The following KIRREL3 variants were observed in gnomAD, a reference collection of about 807,000 sequenced individuals.
KIRREL3 encodes the protein kin of IRRE-like protein 3.
In KIRREL3, 36 loss-of-function variants were observed where a neutral mutation model predicts 89.7. The ratio of observed to expected loss-of-function variants is 0.40; its 90% CI spans 0.31 to 0.53. The LOEUF is 0.53. KIRREL3 is among the 20% of genes least tolerant of loss of function. The probability of loss-of-function intolerance (pLI) is 0.49; values close to 1 mark genes in which losing one functional copy is unlikely to be tolerated. For missense variants in KIRREL3, 864 were observed against 1,056.6 expected, an observed-to-expected ratio of 0.82 and a Z score of 2.53; for synonymous variants, 445 against 441.4, an observed-to-expected ratio of 1.01 and a Z score of -0.10.
intron 13 of KIRREL3, among the ~76,000 whole-genome samples, chr11:126,434,702 TGC>T (rs540263044): frequency 2.6e-5 from 4 of 152,202 alleles, no homozygotes; most frequent in Non-Finnish European, 5.9e-5. Context: ...ACTGCTTTGC[TGC>T]GTGTGCCTGG....
At position 126,515,006 on chromosome 11, in the gene KIRREL3, C is replaced by G. The variant is rs143918458; in HGVS notation, c.433+6309G>C. ...GCCATGAGGAACATTTACTGAACAC[C>G]CAGTATGTGATTCTAGGCTGTGCTA... On this transcript the variant is annotated intron_variant, in intron 4 of 16. Coordinates refer to ENST00000525144, the MANE Select transcript of KIRREL3 (RefSeq NM_032531.4). The surrounding 1 kb of genome is among the most constrained non-coding windows in gnomAD (Gnocchi z 4.2). Among the ~76,000 whole-genome samples the G allele has an allele frequency of 6.6e-6, 1 of 152,134 alleles. No individual in the cohort carries two copies. The highest frequency in any genetic ancestry group is 1.5e-5 in the Non-Finnish European group (1 of 68,028).
chr11:127,000,519 C>T lies in KIRREL3; in HGVS notation c.-10G>A. ...GCTGGAAGGGTTTCATTCCTTAGCG[C>T]AGCGAAGGAAAGCCGGCGGGGTAAC... On this transcript the variant is annotated 5_prime_UTR_variant, in exon 1 of 17. Transcript: ENST00000525144. The surrounding 1 kb of genome is among the most constrained non-coding windows in gnomAD (Gnocchi z 7.1). 6.2e-7 allele frequency: 1 copy of T among 1,602,714 alleles called. No homozygotes were observed. The highest frequency in any genetic ancestry group is 1.3e-5 in the African/African-American group (1 of 74,778).
At chr11:126,835,385 T>C (rs1943745009) in intron 1 of KIRREL3, among the ~76,000 whole-genome samples, 1 of 152,136 alleles carries the variant, frequency 6.6e-6, no homozygotes, top group Non-Finnish European at 1.5e-5. Context: ...AGGAAAAGAA[T>C]TACATTAAAA....
intron 1 of KIRREL3, among the ~76,000 whole-genome samples, chr11:126,591,354 T>C (rs1451835789): frequency 6.6e-6 from 1 of 152,220 alleles, no homozygotes; most frequent in Non-Finnish European, 1.5e-5. Context: ...GAGAATCCCT[T>C]AACCTAAAGG....
At chr11:126,582,338 G>A (rs1262590245) in intron 1 of KIRREL3, among the ~76,000 whole-genome samples, 2 of 152,354 alleles carry the variant, frequency 1.3e-5, no homozygotes, top group Middle Eastern at 3.4e-3. Flanking sequence ...TGGCAACACA[G>A]AGGTGCCTTC....
intron 11 of KIRREL3, 137 bp from the exon 12 acceptor site, chr11:126,437,146 A>G (rs2134166273): frequency 2.7e-6 from 2 of 739,226 alleles, no homozygotes; most frequent in South Asian, 4.6e-5. Flanking sequence ...ACGGGTATGT[A>G]TGCAGGCACA....
chr11:126,439,856 AAAC>A (rs150209838), intron 11 of KIRREL3, among the ~76,000 whole-genome samples: 7,003 of 151,470 alleles, frequency 0.046, 275 homozygotes, highest in East Asian at 0.23. Flanking sequence ...AAAAACACAC[AAAC>A]AAAAAAACCA....
At chr11:126,857,568 T>C (rs1454022334) in intron 1 of KIRREL3, among the ~76,000 whole-genome samples, 1 of 152,170 alleles carries the variant, frequency 6.6e-6, no homozygotes, top group Non-Finnish European at 1.5e-5. Context: ...TGGGAGCATC[T>C]GCCTAGGAAT....
rs1945125043 is a variant in KIRREL3 at position 126,656,115 on chromosome 11, A to G, written c.56-93203T>C. The G allele has an allele frequency of 2.2e-5, 10 of 456,056 alleles. No individual in the cohort carries two copies. The highest frequency in any genetic ancestry group is 2.2e-5 in the Non-Finnish European group (5 of 226,962). The allele number at this position is 456,056 out of a possible 1,614,324, so 28.3% of individuals were successfully genotyped here. A position where few individuals can be genotyped will look rare whatever the true frequency, so the allele number is the denominator to read the frequency against. ...ATCTATGCTGTGCAAAGGAATAAGA[A>G]ACTAGTGCTGTCTCGGGAACCAGCA... is the stretch of plus-strand genomic sequence containing the variant. On this transcript the variant is annotated intron_variant, in intron 1 of 16. Transcript: ENST00000525144. This position sits in a 1 kb window ranked among gnomAD's most constrained non-coding sequence, Gnocchi z 4.0.
intron 1 of KIRREL3, among the ~76,000 whole-genome samples, chr11:126,966,688 C>A (rs962488388): frequency 2.6e-5 from 4 of 152,168 alleles, no homozygotes; most frequent in African/African-American, 9.7e-5. Flanking sequence ...AGACATGCCA[C>A]TGGCCCTTCT....
rs509759 is a variant in KIRREL3, at chr11:126,653,820, T to C, written c.56-90908A>G. Among the ~76,000 whole-genome samples the C allele has an allele frequency of 0.59, 89,599 of 152,072 alleles. 26,691 individuals carry two copies. The highest frequency in any genetic ancestry group is 0.64 in the Admixed American group (9,814 of 15,288). ...GCAGGGATGCCCCTGGCACTTTTTTTGTCTCTGGTGCTATCAAACAGAAAA... is the reference window on the plus strand; with the variant it reads ...GCAGGGATGCCCCTGGCACTTTTTTCGTCTCTGGTGCTATCAAACAGAAAA... On this transcript the variant is annotated intron_variant, in intron 1 of 16. Coordinates refer to ENST00000525144, the MANE Select transcript of KIRREL3 (RefSeq NM_032531.4). This position sits in a 1 kb window ranked among gnomAD's most constrained non-coding sequence, Gnocchi z 5.4.
rs928880191 is a variant in KIRREL3 at position 126,814,845 on chromosome 11, T to G, written c.55+185610A>C. Among the ~76,000 whole-genome samples the G allele has an allele frequency of 1.3e-5, 2 of 152,106 alleles. No individual in the cohort carries two copies. The highest frequency in any genetic ancestry group is 4.8e-5 in the African/African-American group (2 of 41,410). On this transcript the variant is annotated intron_variant, in intron 1 of 16. Coordinates refer to ENST00000525144, the MANE Select transcript of KIRREL3 (RefSeq NM_032531.4). The surrounding 1 kb of genome is among the most constrained non-coding windows in gnomAD (Gnocchi z 4.4). ...GGGCTTAATACCTGGGTGATGGTGG[T>G]GGGTTCATCGGTGCAGCGAACCACC...
intron 1 of KIRREL3, among the ~76,000 whole-genome samples, chr11:126,938,100 G>A (rs1008635400): frequency 2.0e-5 from 3 of 152,204 alleles, no homozygotes; most frequent in Non-Finnish European, 4.4e-5. Context: ...TTATACCATT[G>A]TGGTTGGGTT....
intron 1 of KIRREL3, among the ~76,000 whole-genome samples, chr11:126,821,600 T>G (rs1349846736): frequency 6.6e-6 from 1 of 151,936 alleles, no homozygotes; most frequent in East Asian, 1.9e-4. Flanking sequence ...CATCCATGAA[T>G]GTGTGAATGT....
intron 1 of KIRREL3, among the ~76,000 whole-genome samples, chr11:126,810,467 C>T (rs1951345259): frequency 6.6e-6 from 1 of 152,194 alleles, no homozygotes; most frequent in Non-Finnish European, 1.5e-5. Context: ...ACCCCCAAGT[C>T]CCTTTGGATC....
At chr11:126,706,941 C>CTT (rs574581679) in intron 1 of KIRREL3, among the ~76,000 whole-genome samples, 2 of 136,482 alleles carry the variant, frequency 1.5e-5, no homozygotes, top group East Asian at 2.1e-4. Flanking sequence ...TGTTTTTTGA[C>CTT]TTTTTTTTTT....
intron 1 of KIRREL3, chr11:126,988,413 C>T (rs1334028487): frequency 2.0e-5 from 3 of 152,774 alleles, no homozygotes; most frequent in Admixed American, 6.5e-5. Context: ...AGGAGGGGAC[C>T]CACCGGCCAG....
rs183275315 is a variant in KIRREL3 at position 126,574,511 on chromosome 11, C to A, written c.56-11599G>T. ...AATAAGAACATGAAAGTTTATTTAC[C>A]ACGAGGCCAGCCCAGTGGGAGGCAG... On this transcript the variant is annotated intron_variant, in intron 1 of 16. Transcript: ENST00000525144. This position sits in a 1 kb window ranked among gnomAD's most constrained non-coding sequence, Gnocchi z 5.3. Among the ~76,000 whole-genome samples, 49 of 152,256 alleles carry A rather than the reference C, an allele frequency of 3.2e-4. No individual in the cohort carries two copies. Among genetic ancestry groups the A allele is most frequent in the African/African-American group, 1.2e-3 (48 of 41,538 alleles).
At chr11:126,781,384 A>T (rs1950320008) in intron 1 of KIRREL3, among the ~76,000 whole-genome samples, 3 of 152,174 alleles carry the variant, frequency 2.0e-5, no homozygotes, top group Admixed American at 6.5e-5. Context: ...ATAATTTAAA[A>T]CACCCATTAT....
Sources: gnomAD v4.1 joint callset for allele counts (sites outside exome capture counted in the v4.1 genomes callset) on GRCh38, gnomAD v4.1.1 for gene constraint, Gnocchi (gnomAD v3.1) non-coding constraint, MANE v1.5 for transcripts, NCBI Gene and HGNC (gene_info 2026-07-23, HGNC 2026-07-21) for gene names.